The following MYO9A variants were observed in gnomAD, a reference collection of about 807,000 sequenced individuals.
MYO9A encodes the protein unconventional myosin-IXa.
In MYO9A, 103 loss-of-function variants were observed where a neutral mutation model predicts 293.3. That is an observed-to-expected ratio of 0.35 (90% CI 0.30 to 0.41). The LOEUF is 0.41. MYO9A is among the 10% of genes least tolerant of loss of function. MYO9A has a pLI of 1.00. For synonymous variants in MYO9A, 1,001 were observed against 1,035.7 expected (o/e 0.97, Z 0.64); for missense variants, 2,685 against 3,033.0 (o/e 0.89, Z 2.69).
chr15:71,842,859 CA>C (rs35367150), intron 39 of MYO9A, among the ~76,000 whole-genome samples: 2,295 of 118,158 alleles, frequency 0.019, 31 homozygotes, highest in East Asian at 0.033. Context: ...GACTCCACCT[CA>C]AAAAAAAAAA....
At chr15:71,881,912 T>C (rs1033774986) in intron 28 of MYO9A, among the ~76,000 whole-genome samples, 4 of 152,184 alleles carry the variant, frequency 2.6e-5, no homozygotes, top group Admixed American at 6.5e-5. Context: ...CATTCAATAG[T>C]AGGGAATTCC....
intron 1 of MYO9A, among the ~76,000 whole-genome samples, chr15:72,086,481 C>CA (rs1232677870): frequency 6.6e-6 from 1 of 151,956 alleles, no homozygotes; most frequent in Admixed American, 6.6e-5. Context: ...CTGTGCCTGC[C>CA]AAGACTCTGA....
At chr15:71,842,125 C>T (rs2055188448) in intron 39 of MYO9A, among the ~76,000 whole-genome samples, 1 of 151,912 alleles carries the variant, frequency 6.6e-6, no homozygotes, top group Admixed American at 6.6e-5. Context: ...GTAATCCCAC[C>T]ACTTTGGGAG....
At chr15:71,992,866 T>C (rs2076580238) in intron 10 of MYO9A, among the ~76,000 whole-genome samples, 1 of 151,728 alleles carries the variant, frequency 6.6e-6, no homozygotes, top group African/African-American at 2.4e-5. Context: ...CCTTCCTCTG[T>C]AAGTAAAATA....
At chr15:72,098,405 T>C (rs1217144333) in intron 1 of MYO9A, among the ~76,000 whole-genome samples, 1 of 152,146 alleles carries the variant, frequency 6.6e-6, no homozygotes, top group Non-Finnish European at 1.5e-5. Context: ...TAACTGGTTA[T>C]GCAACAATAG....
At chr15:71,971,178 A>T (rs1203319438) in intron 12 of MYO9A, among the ~76,000 whole-genome samples, 2 of 152,066 alleles carry the variant, frequency 1.3e-5, no homozygotes, top group African/African-American at 4.8e-5. Context: ...ATTAAAAAAA[A>T]AAAAAGAAGT....
chr15:72,083,938 G>A (rs1028612286), intron 1 of MYO9A, among the ~76,000 whole-genome samples: 1 of 152,222 alleles, frequency 6.6e-6, no homozygotes, highest in African/African-American at 2.4e-5. Flanking sequence ...CAGAGTATGT[G>A]CCATGTGGTG....
intron 14 of MYO9A, among the ~76,000 whole-genome samples, chr15:71,957,363 T>A (rs534020982): frequency 1.3e-5 from 2 of 152,134 alleles, no homozygotes; most frequent in Non-Finnish European, 2.9e-5. Flanking sequence ...ATTTTCTCAT[T>A]GCTATTATGA....
chr15:72,059,643 G>A (rs1429726812), intron 1 of MYO9A, among the ~76,000 whole-genome samples: 3 of 152,118 alleles, frequency 2.0e-5, no homozygotes, highest in Non-Finnish European at 4.4e-5. Flanking sequence ...TTTTAGTGAG[G>A]CTTTCTGAAC....
intron 18 of MYO9A, among the ~76,000 whole-genome samples, chr15:71,932,658 C>T (rs1301371669): frequency 6.6e-6 from 1 of 151,690 alleles, no homozygotes; most frequent in African/African-American, 2.4e-5. Context: ...TTTTTAACTG[C>T]TTATCTGCAT....
intron 13 of MYO9A, among the ~76,000 whole-genome samples, chr15:71,962,999 C>T (rs1368599400): frequency 6.6e-6 from 1 of 152,084 alleles, no homozygotes; most frequent in East Asian, 1.9e-4. Flanking sequence ...CATTTACCTC[C>T]TATACTGCCC....
chr15:72,076,961 G>C (rs1345612921), intron 1 of MYO9A, among the ~76,000 whole-genome samples: 1 of 151,714 alleles, frequency 6.6e-6, no homozygotes, highest in Non-Finnish European at 1.5e-5. Flanking sequence ...TGAAACAAAG[G>C]CAAGTCAATG....
chr15:71,915,281 T>C (rs2057975923), intron 19 of MYO9A, among the ~76,000 whole-genome samples: 1 of 152,062 alleles, frequency 6.6e-6, no homozygotes, highest in African/African-American at 2.4e-5. Flanking sequence ...TTCTCATTCT[T>C]CCCAACCAAA....
chr15:71,931,806 T>G (rs2058483234), intron 18 of MYO9A, among the ~76,000 whole-genome samples: 1 of 152,226 alleles, frequency 6.6e-6, no homozygotes, highest in Admixed American at 6.5e-5. Context: ...TTAGATAACC[T>G]AATAGCTTCT....
intron 14 of MYO9A, among the ~76,000 whole-genome samples, chr15:71,954,116 G>A (rs1253233093): frequency 6.6e-6 from 1 of 151,372 alleles, no homozygotes; most frequent in Non-Finnish European, 1.5e-5. Flanking sequence ...GGATGGTCTC[G>A]ACCTCCTGAC....
At chr15:72,107,402 A>T (rs1469587345) in intron 1 of MYO9A, among the ~76,000 whole-genome samples, 1 of 152,034 alleles carries the variant, frequency 6.6e-6, no homozygotes, top group Non-Finnish European at 1.5e-5. Context: ...TACAAAAATT[A>T]GCGAAGTATA....
chr15:72,032,606 T>C lies in MYO9A; in HGVS notation c.841-18A>G. The C allele has an allele frequency of 6.4e-7, 1 of 1,566,064 alleles. No homozygotes were observed. The highest frequency in any genetic ancestry group is 8.6e-7 in the Non-Finnish European group (1 of 1,161,130). On this transcript the variant is annotated intron_variant, in intron 2 of 41. Coordinates refer to ENST00000356056, the MANE Select transcript of MYO9A (RefSeq NM_006901.4). The stretch of plus-strand genomic sequence containing the variant: ...CCAAAGGCCTGTCAAAATAAATAAT[T>C]CTCATTAGTTTCACTAAAAAAAAAA...
chr15:71,978,319 A>C, intron 11 of MYO9A, 27 bp from the exon 12 acceptor site: 1 of 1,578,912 alleles, frequency 6.3e-7, no homozygotes, highest in Non-Finnish European at 8.6e-7. Flanking sequence ...ATAAAATAAC[A>C]ATTTATTCAT....
At chr15:71,905,549 C>T (rs918501852) in intron 19 of MYO9A, among the ~76,000 whole-genome samples, 7 of 151,918 alleles carry the variant, frequency 4.6e-5, no homozygotes, top group African/African-American at 1.7e-4. Context: ...TTTTGGAGGG[C>T]CAAGGAGGGC....
Sources: gnomAD v4.1 joint callset for allele counts (sites outside exome capture counted in the v4.1 genomes callset) on GRCh38, gnomAD v4.1.1 for gene constraint, MANE v1.5 for transcripts, NCBI Gene and HGNC (gene_info 2026-07-23, HGNC 2026-07-21) for gene names.